The following TRAK2 variants were observed in gnomAD, a reference collection of about 807,000 sequenced individuals.
TRAK2 encodes trafficking kinesin-binding protein 2.
In TRAK2, 81 loss-of-function variants were observed where a neutral mutation model predicts 104.6. The observed-to-expected ratio is 0.77, with a 90% CI of 0.65 to 0.93. The LOEUF (loss-of-function observed/expected upper bound fraction) is 0.93, where lower values mean the gene tolerates loss of function less well. Among genes scored for constraint, TRAK2 ranks in the 40% least tolerant of loss-of-function variants. The probability of loss-of-function intolerance (pLI) is 0.00; values close to 1 mark genes in which losing one functional copy is unlikely to be tolerated. For missense variants in TRAK2, 1,002 were observed against 1,089.0 expected, an observed-to-expected ratio of 0.92 and a Z score of 1.12; for synonymous variants, 406 against 394.4, an observed-to-expected ratio of 1.03 and a Z score of -0.35.
In TRAK2 at chr2:201,386,634, A is replaced by G. The variant is rs112392908; in HGVS notation, c.1697-150T>C. The G allele has an allele frequency of 1.5e-3, 1,587 of 1,064,060 alleles. 24 individuals are homozygous for G. In the African/African-American group the frequency reaches 0.021, roughly 14 times the overall value. The allele number at this position is 1,064,060 out of a possible 1,614,324, so 65.9% of individuals were successfully genotyped here. A position where few individuals can be genotyped will look rare whatever the true frequency, so the allele number is the denominator to read the frequency against. On this transcript the variant is annotated intron_variant, in intron 13 of 15. Coordinates refer to ENST00000332624, the MANE Select transcript of TRAK2 (RefSeq NM_015049.3). ...AATAATTTGGTAAAAGCTGCAAATT[A>G]AAGTTTTCAGTGGAAGATGACAAGA...
At chr2:201,444,210 A>C (rs186580587) in intron 1 of TRAK2, among the ~76,000 whole-genome samples, 14 of 152,136 alleles carry the variant, frequency 9.2e-5, no homozygotes, top group Non-Finnish European at 1.8e-4. Flanking sequence ...CAAAAAAATA[A>C]ATAATAAAAT....
At chr2:201,384,436 A>G (rs1451165621) in intron 14 of TRAK2, among the ~76,000 whole-genome samples, 1 of 152,212 alleles carries the variant, frequency 6.6e-6, no homozygotes, top group Non-Finnish European at 1.5e-5. Context: ...AGCAAAAGGC[A>G]TAAACAAAGA....
Position 201,410,772 on chromosome 2 carries a change from G to A in TRAK2, c.92-3175C>T. 2.5e-6 allele frequency: 4 copies of A among 1,598,324 alleles called. No homozygotes were observed. In the Admixed American group the frequency reaches 6.7e-5, roughly 27 times the overall value. Reference sequence around the variant, plus strand: ...GATTTGGTTTCTGTTGTGATAATTGGTTCATGCTAACTTTGGGTTTCTGAG... The same window carrying A: ...GATTTGGTTTCTGTTGTGATAATTGATTCATGCTAACTTTGGGTTTCTGAG... On this transcript the variant is annotated intron_variant, in intron 2 of 15. Coordinates refer to ENST00000332624, the MANE Select transcript of TRAK2 (RefSeq NM_015049.3).
chr2:201,407,691 G>C (rs763152996), intron 2 of TRAK2, 94 bp from the exon 3 acceptor site: 4 of 1,042,676 alleles, frequency 3.8e-6, no homozygotes, highest in Non-Finnish European at 5.5e-6. Context: ...TCTAAAGTAG[G>C]ATAACCAAAG....
At chr2:201,383,478 A>G (rs1951360826) in intron 15 of TRAK2, among the ~76,000 whole-genome samples, 1 of 152,206 alleles carries the variant, frequency 6.6e-6, no homozygotes. Flanking sequence ...TGAAGCCTCA[A>G]TACAGACTGT....
chr2:201,419,667 G>A (rs1004589387), intron 2 of TRAK2, among the ~76,000 whole-genome samples: 2 of 152,142 alleles, frequency 1.3e-5, no homozygotes, highest in African/African-American at 4.8e-5. Context: ...GTCAAAACTC[G>A]AACTGTATAC....
chr2:201,429,828 A>T (rs1227030813), intron 1 of TRAK2, among the ~76,000 whole-genome samples: 1 of 151,880 alleles, frequency 6.6e-6, no homozygotes, highest in Non-Finnish European at 1.5e-5. Flanking sequence ...TAGCTTGGAG[A>T]AGTTTGTTAT....
chr2:201,437,612 T>C (rs1951888520), intron 1 of TRAK2, among the ~76,000 whole-genome samples: 1 of 152,188 alleles, frequency 6.6e-6, no homozygotes, highest in Non-Finnish European at 1.5e-5. Flanking sequence ...AGAGTCATCC[T>C]TCCTTTCCTA....
Position 201,380,303 on chromosome 2 carries a change from T to C in TRAK2, c.*240A>G, listed in dbSNP as rs1951326904. The C allele has an allele frequency of 9.1e-6, 5 of 552,418 alleles. No homozygotes were observed. Among genetic ancestry groups the C allele is most frequent in the East Asian group, 3.0e-5 (1 of 33,628 alleles). The allele number at this position is 552,418 out of a possible 1,614,324, so 34.2% of individuals were successfully genotyped here. A position where few individuals can be genotyped will look rare whatever the true frequency, so the allele number is the denominator to read the frequency against. Reference sequence around the variant, plus strand: ...ACAAGAAAACTCAACTGAAGGAGTATATTAAACCTTTCTTTTCTCCCTCTG... The same window carrying C: ...ACAAGAAAACTCAACTGAAGGAGTACATTAAACCTTTCTTTTCTCCCTCTG... On this transcript the variant is annotated 3_prime_UTR_variant, in exon 16 of 16. Transcript: ENST00000332624.
chr2:201,436,196 A>C (rs112423497), intron 1 of TRAK2, among the ~76,000 whole-genome samples: 37 of 152,314 alleles, frequency 2.4e-4, no homozygotes, highest in African/African-American at 8.4e-4. Flanking sequence ...AATGCAGAGT[A>C]AATGGCATCA....
intron 15 of TRAK2, among the ~76,000 whole-genome samples, chr2:201,382,951 T>C (rs1951356721): frequency 6.6e-6 from 1 of 152,238 alleles, no homozygotes; most frequent in Admixed American, 6.5e-5. Flanking sequence ...CATCTTTCTT[T>C]TCTACTTCTA....
intron 1 of TRAK2, among the ~76,000 whole-genome samples, chr2:201,432,076 T>A (rs1046483553): frequency 6.6e-6 from 1 of 152,152 alleles, no homozygotes; most frequent in African/African-American, 2.4e-5. Context: ...ATTTTATAAT[T>A]ATTATTATTG....
intron 2 of TRAK2, among the ~76,000 whole-genome samples, chr2:201,414,425 G>T (rs1269669981): frequency 6.6e-6 from 1 of 152,162 alleles, no homozygotes; most frequent in Non-Finnish European, 1.5e-5. Context: ...TCTAGCTCTG[G>T]CAAAGAACAA....
chr2:201,437,082 G>A (rs1211344053), intron 1 of TRAK2, among the ~76,000 whole-genome samples: 1 of 152,124 alleles, frequency 6.6e-6, no homozygotes, highest in Non-Finnish European at 1.5e-5. Context: ...TTGAAGATAA[G>A]GTTACTTTTT....
intron 2 of TRAK2, among the ~76,000 whole-genome samples, chr2:201,416,724 G>A (rs1013774183): frequency 6.6e-6 from 1 of 152,100 alleles, no homozygotes. Flanking sequence ...ACTGTTTTAA[G>A]AGTGTCACTT....
At chr2:201,394,343 C>CTTTTT (rs369969654) in intron 9 of TRAK2, among the ~76,000 whole-genome samples, 1 of 126,590 alleles carries the variant, frequency 7.9e-6, no homozygotes, top group Non-Finnish European at 1.7e-5. Context: ...TATTCTTTTT[C>CTTTTT]TTTCTTTTTT....
intron 15 of TRAK2, among the ~76,000 whole-genome samples, chr2:201,382,451 C>G (rs1951352695): frequency 6.6e-6 from 1 of 152,166 alleles, no homozygotes; most frequent in African/African-American, 2.4e-5. Flanking sequence ...GTTTGACTCC[C>G]TGGTCAAACC....
At chr2:201,440,925 G>T (rs554228679) in intron 1 of TRAK2, among the ~76,000 whole-genome samples, 16 of 152,246 alleles carry the variant, frequency 1.1e-4, no homozygotes, top group African/African-American at 3.9e-4. Context: ...TCACTACACT[G>T]CAAGTTCCTC....
In TRAK2 at chr2:201,401,152, A is replaced by C. The variant is rs536535869; in HGVS notation, c.287-58T>G. ...TTAGCAATAATGAAAAAATTTAAATATTAATAAGAATTGAGAGATAACAAC... is the reference window on the plus strand; with the variant it reads ...TTAGCAATAATGAAAAAATTTAAATCTTAATAAGAATTGAGAGATAACAAC... On this transcript the variant is annotated intron_variant, in intron 3 of 15. Coordinates refer to ENST00000332624, the MANE Select transcript of TRAK2 (RefSeq NM_015049.3). The C allele has an allele frequency of 1.4e-4, 159 of 1,168,126 alleles. 1 individual carries two copies. The African/African-American group carries it at 2.3e-3, about 17-fold the overall frequency. 72.4% of individuals were successfully genotyped at this position (1,168,126 alleles called of 1,614,324 possible).
Sources: allele counts gnomAD v4.1 joint callset (sites outside exome capture counted in the v4.1 genomes callset), GRCh38; gene constraint gnomAD v4.1.1; transcripts MANE v1.5; gene names NCBI Gene and HGNC (gene_info 2026-07-23, HGNC 2026-07-21).